The following TENM3 variants were observed in gnomAD, a reference collection of about 807,000 sequenced individuals.
The protein encoded by TENM3 is teneurin transmembrane protein 3.
Under a neutral mutation model 255.1 loss-of-function variants are expected in TENM3, and 63 were observed. That is an observed-to-expected ratio of 0.25 (90% CI 0.20 to 0.30). The LOEUF (loss-of-function observed/expected upper bound fraction) is 0.30. Among genes scored for constraint, TENM3 ranks in the 10% least tolerant of loss-of-function variants. The probability of loss-of-function intolerance (pLI) is 1.00; values close to 1 mark genes in which losing one functional copy is unlikely to be tolerated. For synonymous variants in TENM3, 1,306 were observed against 1,322.3 expected (o/e 0.99, Z 0.27); for missense variants, 2,929 against 3,461.1 (o/e 0.85, Z 3.86).
At chr4:181,678,041 C>T in the TENM3 span, among the ~76,000 whole-genome samples, 21 of 152,154 alleles carry the variant, frequency 1.4e-4, no homozygotes, top group African/African-American at 2.4e-4. Flanking sequence ...TTTATTTTAG[C>T]GATTATTTTT....
chr4:182,716,119 C>G (rs1201590822), intron 13 of TENM3, among the ~76,000 whole-genome samples: 2 of 152,134 alleles, frequency 1.3e-5, no homozygotes, highest in Admixed American at 1.3e-4. Context: ...TACTTTCCCC[C>G]AAAGAACCCC....
At chr4:181,749,765 A>C in the TENM3 span, among the ~76,000 whole-genome samples, 1 of 152,152 alleles carries the variant, frequency 6.6e-6, no homozygotes, top group African/African-American at 2.4e-5. Context: ...TGTCTCTTTA[A>C]ATTAATGCCC....
chr4:181,794,609 A>G, the TENM3 span, among the ~76,000 whole-genome samples: 1 of 150,498 alleles, frequency 6.6e-6, no homozygotes, highest in South Asian at 2.1e-4. Flanking sequence ...GTCTCAAATA[A>G]TGGCATTTCC....
the TENM3 span, among the ~76,000 whole-genome samples, chr4:181,647,470 C>T: frequency 2.6e-5 from 4 of 152,110 alleles, no homozygotes; most frequent in African/African-American, 7.2e-5. Context: ...AGAAGAGTAG[C>T]AAAAGGGTGC....
At chr4:182,497,195 G>T (rs924306133) in intron 3 of TENM3, among the ~76,000 whole-genome samples, 2 of 151,984 alleles carry the variant, frequency 1.3e-5, no homozygotes, top group South Asian at 4.1e-4. Context: ...CTGGGACTCA[G>T]GCACGCGCCA....
At chr4:182,566,270 C>T (rs1337383070) in intron 3 of TENM3, among the ~76,000 whole-genome samples, 1 of 152,136 alleles carries the variant, frequency 6.6e-6, no homozygotes, top group African/African-American at 2.4e-5. Flanking sequence ...AACTTATTTC[C>T]TCTTGTTTGT....
intron 2 of TENM3, 58 bp downstream of exon 2, chr4:182,324,310 G>C (rs1347334787): frequency 7.7e-6 from 10 of 1,294,538 alleles, no homozygotes; most frequent in African/African-American, 4.4e-5. Context: ...TGTAGGTGTC[G>C]TGATTTTCCC....
At chr4:182,067,285 C>T in the TENM3 span, among the ~76,000 whole-genome samples, 2 of 152,248 alleles carry the variant, frequency 1.3e-5, no homozygotes, top group Non-Finnish European at 2.9e-5. Context: ...GGCAGGGACA[C>T]ATCTCAGACG....
the TENM3 span, among the ~76,000 whole-genome samples, chr4:181,484,399 T>C: frequency 6.6e-6 from 1 of 152,160 alleles, no homozygotes; most frequent in Non-Finnish European, 1.5e-5. Context: ...TTTGGAGGAA[T>C]TTTCATCAGA....
chr4:182,548,383 T>A (rs538696944), intron 3 of TENM3, among the ~76,000 whole-genome samples: 11 of 152,126 alleles, frequency 7.2e-5, no homozygotes, highest in Non-Finnish European at 1.6e-4. Flanking sequence ...CACACGGTTT[T>A]AGGAACTTGA....
intron 1 of TENM3, among the ~76,000 whole-genome samples, chr4:182,154,387 A>G (rs1750553436): frequency 6.6e-6 from 1 of 152,162 alleles, no homozygotes; most frequent in East Asian, 1.9e-4. Context: ...TCTGTTACAC[A>G]ATAGTTTTAT....
At chr4:181,665,987 T>G in the TENM3 span, among the ~76,000 whole-genome samples, 23,210 of 152,190 alleles carry the variant, frequency 0.15, 2,201 homozygotes, top group East Asian at 0.23. Flanking sequence ...AGTTCTGTAT[T>G]CAAGCGTTAA....
the TENM3 span, among the ~76,000 whole-genome samples, chr4:181,534,855 A>G: frequency 6.6e-6 from 1 of 152,180 alleles, no homozygotes. Context: ...AACTCAGAAC[A>G]GTCCTTGTAA....
chr4:182,555,011 C>T (rs574720866), intron 3 of TENM3, among the ~76,000 whole-genome samples: 4 of 151,872 alleles, frequency 2.6e-5, no homozygotes, highest in South Asian at 2.1e-4. Context: ...CTCAAGCATA[C>T]GATGTAGTAA....
intron 3 of TENM3, among the ~76,000 whole-genome samples, chr4:182,392,749 C>T (rs184054402): frequency 7.2e-4 from 110 of 152,256 alleles, no homozygotes; most frequent in East Asian, 1.9e-4. Flanking sequence ...GAGGGCATCG[C>T]CACACAAATC....
At chr4:182,442,662 G>T (rs972844648) in intron 3 of TENM3, among the ~76,000 whole-genome samples, 1 of 151,914 alleles carries the variant, frequency 6.6e-6, no homozygotes, top group Admixed American at 6.6e-5. Context: ...CACAATCATG[G>T]CTCACTGCAA....
intron 3 of TENM3, among the ~76,000 whole-genome samples, chr4:182,525,191 C>T (rs973300963): frequency 5.3e-5 from 8 of 152,140 alleles, no homozygotes; most frequent in South Asian, 2.1e-4. Context: ...GAGTAAGGAA[C>T]GAATTTAGTA....
rs186893905 is a variant in TENM3, at chr4:182,432,432, A to G, written c.511+85503A>G. Among the ~76,000 whole-genome samples the G allele has an allele frequency of 3.9e-5, 6 of 152,356 alleles. No homozygotes were observed. The East Asian group carries it at 1.2e-3, about 29-fold the overall frequency. On this transcript the variant is annotated intron_variant, in intron 3 of 27. Coordinates refer to ENST00000511685, the MANE Select transcript of TENM3 (RefSeq NM_001080477.4). ...ATATGTTAAATGCTTTGCATGATATACAACGTTATTCCACCAACATTAAAC... is the reference window on the plus strand; with the variant it reads ...ATATGTTAAATGCTTTGCATGATATGCAACGTTATTCCACCAACATTAAAC...
chr4:182,022,528 A>G, the TENM3 span, among the ~76,000 whole-genome samples: 1 of 132,588 alleles, frequency 7.5e-6, no homozygotes, highest in Non-Finnish European at 1.6e-5. Flanking sequence ...GTATCCCCTG[A>G]ATAAAAAAAA....
Sources: allele counts gnomAD v4.1 joint callset (sites outside exome capture counted in the v4.1 genomes callset), GRCh38; gene constraint gnomAD v4.1.1; transcripts MANE v1.5; gene names NCBI Gene and HGNC (gene_info 2026-07-23, HGNC 2026-07-21).